Variants in CTNNA2 observed in about 807,000 individuals in gnomAD.
CTNNA2 encodes catenin alpha 2, also known as catenin alpha-2.
In CTNNA2, 42 loss-of-function variants were observed where a neutral mutation model predicts 101.0. The observed-to-expected ratio is 0.42, with a 90% CI of 0.32 to 0.54. The LOEUF is 0.54. Ranked by LOEUF, CTNNA2 falls within the 20% of genes least tolerant of loss-of-function variation. The pLI, the probability that CTNNA2 is intolerant of heterozygous loss-of-function variation, is 0.14. For synonymous variants in CTNNA2, 450 were observed against 456.4 expected (o/e 0.99, Z 0.18); for missense variants, 871 against 1,223.1 (o/e 0.71, Z 4.29).
At chr2:80,431,978 C>A (rs777226402) in intron 9 of CTNNA2, among the ~76,000 whole-genome samples, 1 of 151,820 alleles carries the variant, frequency 6.6e-6, no homozygotes, top group Non-Finnish European at 1.5e-5. Context: ...GGCCACAGTG[C>A]CCAGGGTTGG....
intron 3 of CTNNA2, among the ~76,000 whole-genome samples, chr2:79,842,948 T>G (rs1032765531): frequency 1.3e-5 from 2 of 148,852 alleles, no homozygotes; most frequent in African/African-American, 5.0e-5. Context: ...TGACATTGTT[T>G]AATCTCAAAG....
chr2:80,594,628 T>C (rs1696791070), intron 15 of CTNNA2, among the ~76,000 whole-genome samples: 1 of 152,086 alleles, frequency 6.6e-6, no homozygotes, highest in Non-Finnish European at 1.5e-5. Flanking sequence ...TTGAGTTTTA[T>C]ACTTTAGTTC....
intron 4 of CTNNA2, among the ~76,000 whole-genome samples, chr2:79,488,710 A>G (rs546019874): frequency 6.6e-6 from 1 of 152,222 alleles, no homozygotes; most frequent in East Asian, 1.9e-4. Flanking sequence ...TCAATGAACA[A>G]TTTCTTGAAA....
At chr2:80,235,833 T>A (rs573259385) in intron 7 of CTNNA2, among the ~76,000 whole-genome samples, 100 of 152,334 alleles carry the variant, frequency 6.6e-4, no homozygotes, top group African/African-American at 2.3e-3. Context: ...TATTTTAAGT[T>A]CAGGGGTACG....
At chr2:80,099,778 CA>C (rs1700426230) in intron 7 of CTNNA2, among the ~76,000 whole-genome samples, 1 of 148,908 alleles carries the variant, frequency 6.7e-6, no homozygotes, top group Non-Finnish European at 1.5e-5. Context: ...AAACATTTAT[CA>C]AACTGTGATC....
At chr2:80,433,208 T>C (rs1479541266) in intron 9 of CTNNA2, among the ~76,000 whole-genome samples, 1 of 152,106 alleles carries the variant, frequency 6.6e-6, no homozygotes, top group African/African-American at 2.4e-5. Context: ...TACATCCAAA[T>C]TGGCACACTT....
intron 3 of CTNNA2, among the ~76,000 whole-genome samples, chr2:79,825,072 C>T (rs1047335503): frequency 5.9e-5 from 9 of 152,120 alleles, no homozygotes; most frequent in Admixed American, 5.2e-4. Context: ...ATCTGTAGTC[C>T]TATCTACTTA....
intron 9 of CTNNA2, among the ~76,000 whole-genome samples, chr2:80,523,870 G>T (rs1689793333): frequency 6.6e-6 from 1 of 152,148 alleles, no homozygotes; most frequent in Admixed American, 6.5e-5. Flanking sequence ...TCAGAGTAAG[G>T]GAAGATTACG....
At chr2:79,866,252 T>A (rs1199743160) in intron 4 of CTNNA2, among the ~76,000 whole-genome samples, 1 of 152,212 alleles carries the variant, frequency 6.6e-6, no homozygotes, top group African/African-American at 2.4e-5. Flanking sequence ...AAATTGGGAA[T>A]AAATTTTAGT....
intron 9 of CTNNA2, among the ~76,000 whole-genome samples, chr2:80,469,140 T>A (rs1685089687): frequency 2.0e-5 from 3 of 152,138 alleles, no homozygotes; most frequent in Non-Finnish European, 4.4e-5. Context: ...CCCCCTCAAT[T>A]TACCTCTGAG....
intron 7 of CTNNA2, among the ~76,000 whole-genome samples, chr2:80,027,671 TG>T (rs1695019102): frequency 6.6e-6 from 1 of 151,994 alleles, no homozygotes; most frequent in Admixed American, 6.6e-5. Context: ...TATAAATCAT[TG>T]TGGGGCGGGG....
At chr2:80,575,650 CA>C (rs1694979797) in intron 13 of CTNNA2, among the ~76,000 whole-genome samples, 1 of 152,014 alleles carries the variant, frequency 6.6e-6, no homozygotes, top group Non-Finnish European at 1.5e-5. Flanking sequence ...CTGTAATCCT[CA>C]AGATATATTC....
At chr2:80,277,553 G>GAAA (rs10650278) in intron 7 of CTNNA2, among the ~76,000 whole-genome samples, 1,319 of 83,780 alleles carry the variant, frequency 0.016, 74 homozygotes, top group African/African-American at 0.041. Flanking sequence ...AAGGATTTCT[G>GAAA]AAAAAAAAAA....
chr2:79,341,910 T>C (rs1352973657), intron 3 of CTNNA2, among the ~76,000 whole-genome samples: 1 of 152,170 alleles, frequency 6.6e-6, no homozygotes, highest in Non-Finnish European at 1.5e-5. Context: ...TCTGATGTCT[T>C]TTATGTATGT....
At position 80,606,367 on chromosome 2, in the gene CTNNA2, AACACACACACACACAC is replaced by A. The variant is rs67402125; in HGVS notation, c.2296-1786_2296-1771del. Among the ~76,000 whole-genome samples the A allele has an allele frequency of 1.7e-4, 24 of 137,510 alleles. No individual in the cohort carries two copies. The South Asian group carries it at 2.2e-3, about 13-fold the overall frequency. 90.2% of individuals were successfully genotyped at this position (137,510 alleles called of 152,430 possible). ...CAGTTGATATGTGAAAAACACATCA[AACACACACACACACAC>A]ACACACACACACACACACACACACA... On this transcript the variant is annotated intron_variant, in intron 16 of 18. Coordinates refer to ENST00000402739, the MANE Select transcript of CTNNA2 (RefSeq NM_001282597.3).
intron 2 of CTNNA2, among the ~76,000 whole-genome samples, chr2:79,304,959 A>C (rs1043352652): frequency 4.6e-5 from 7 of 152,114 alleles, no homozygotes; most frequent in African/African-American, 1.7e-4. Context: ...ATTCAATGAG[A>C]TCTTCATCTT....
At chr2:80,056,604 C>G (rs1366980927) in intron 7 of CTNNA2, among the ~76,000 whole-genome samples, 1 of 152,214 alleles carries the variant, frequency 6.6e-6, no homozygotes, top group African/African-American at 2.4e-5. Flanking sequence ...ATATACTGTC[C>G]TCATTCCTTT....
intron 7 of CTNNA2, among the ~76,000 whole-genome samples, chr2:79,980,376 A>C (rs1338175144): frequency 1.3e-5 from 2 of 152,172 alleles, no homozygotes; most frequent in Admixed American, 1.3e-4. Flanking sequence ...CTCAGAAAAG[A>C]AACAGGGCTA....
chr2:80,489,568 T>A (rs1433468721), intron 9 of CTNNA2, among the ~76,000 whole-genome samples: 2 of 152,148 alleles, frequency 1.3e-5, no homozygotes. Context: ...ATAAGGGTGT[T>A]CTGATATTGA....
Sources: gnomAD v4.1 joint callset for allele counts (sites outside exome capture counted in the v4.1 genomes callset) on GRCh38, gnomAD v4.1.1 for gene constraint, MANE v1.5 for transcripts, NCBI Gene and HGNC (gene_info 2026-07-23, HGNC 2026-07-21) for gene names.